SHOX: variants seen among roughly 807,000 people sequenced by gnomAD.
The protein encoded by SHOX is SHOX homeobox.
SHOX carries 12 observed loss-of-function variants against 29.6 expected under a neutral mutation model. The observed-to-expected ratio is 0.41, with a 90% CI of 0.26 to 0.66. The LOEUF (loss-of-function observed/expected upper bound fraction) is 0.66, where lower values mean the gene tolerates loss of function less well. Among genes scored for constraint, SHOX ranks in the 30% least tolerant of loss-of-function variants. The pLI is 0.35. For synonymous variants in SHOX, 214 were observed against 200.6 expected (o/e 1.07, Z -0.57); for missense variants, 499 against 437.7 (o/e 1.14, Z -1.25).
At chrX:658,043 C>T (rs1232314380) in intron 5 of SHOX, among the ~76,000 whole-genome samples, 4 of 151,970 alleles carry the variant, frequency 2.6e-5, no homozygotes, top group Non-Finnish European at 5.9e-5. Context: ...GGCGTGATCT[C>T]GGCTCACTGC....
chrX:639,735 C>T lies in SHOX; in HGVS notation c.487-1086C>T, dbSNP rs190748819. Among the ~76,000 whole-genome samples the T allele has an allele frequency of 2.2e-3, 331 of 152,390 alleles. 1 individual carries two copies. Among genetic ancestry groups the T allele is most frequent in the African/African-American group, 7.1e-3 (295 of 41,598 alleles). On this transcript the variant is annotated intron_variant, in intron 2 of 4. Transcript: ENST00000686671. ...TCTACTTCTAGGTCAGGTGCGGTGG[C>T]TCACACCTCTAATCCCAGCACTTTG... is the stretch of plus-strand genomic sequence containing the variant.
exon 6 of SHOX, chrX:659,045 G>C (rs938275046): frequency 1.3e-5 from 2 of 158,246 alleles, no homozygotes; most frequent in African/African-American, 4.8e-5. Flanking sequence ...GATGACAGGC[G>C]TGAGCCCCTG....
intron 4 of SHOX, among the ~76,000 whole-genome samples, chrX:642,302 G>C (rs976946226): frequency 1.5e-4 from 22 of 149,924 alleles, no homozygotes; most frequent in African/African-American, 4.9e-4. Flanking sequence ...AACGGGCTTG[G>C]GGGGGGGGCT....
intron 2 of SHOX, among the ~76,000 whole-genome samples, chrX:638,772 G>A (rs774765782): frequency 2.2e-4 from 33 of 152,340 alleles, no homozygotes; most frequent in South Asian, 4.1e-4. Context: ...TGCACAGTGT[G>A]TAAGGGTGGC....
rs1308710931 is a variant in SHOX at position 634,660 on chromosome X, A to G, written c.320A>G (p.Glu107Gly). ...GAGAAGCGCGAGGACGTGAAGTCGG[A>G]GGACGAGGACGGGCAGACCAAGCTG... ...CKEKREDVKS[E>G]DEDGQTKLKQ... is the part of the protein sequence containing the mutation. Residue 107 changes from glutamate to glycine, a missense_variant, in exon 2 of 5, where the codon GAG becomes GGG. Transcript: ENST00000686671. 3 of 1,613,894 alleles carry G rather than the reference A, an allele frequency of 1.9e-6. No individual in the cohort carries two copies. Among genetic ancestry groups the G allele is most frequent in the Non-Finnish European group, 2.5e-6 (3 of 1,179,880 alleles).
intron 2 of SHOX, among the ~76,000 whole-genome samples, chrX:639,444 G>C (rs1169933739): frequency 8.5e-5 from 13 of 152,162 alleles, no homozygotes; most frequent in Non-Finnish European, 1.6e-4. Context: ...TCTGGGCTTG[G>C]TGTGTCAAGA....
downstream of SHOX, among the ~76,000 whole-genome samples, chrX:655,490 A>G (rs2053124481): frequency 1.3e-5 from 2 of 151,048 alleles, no homozygotes; most frequent in African/African-American, 4.9e-5. Flanking sequence ...CCGTGATCCC[A>G]GTACTGTGGG....
downstream of SHOX, among the ~76,000 whole-genome samples, chrX:654,655 C>A (rs1265393511): frequency 6.6e-6 from 1 of 152,084 alleles, no homozygotes; most frequent in Non-Finnish European, 1.5e-5. Context: ...ACGGTTGAAG[C>A]TATTCAGCAG....
At chrX:628,764 T>C (rs1307307450), upstream of SHOX, among the ~76,000 whole-genome samples, 2 of 11,176 alleles carry the variant, frequency 1.8e-4, no homozygotes, top group East Asian at 9.0e-4. Context: ...TCTGTCTCTC[T>C]CTTTTTCTCT....
rs931405380 is a variant in SHOX, at chrX:644,980, C to T, written c.*344C>T. On this transcript the variant is annotated 3_prime_UTR_variant, in exon 5 of 5. Coordinates refer to ENST00000686671, the MANE Select transcript of SHOX (RefSeq NM_000451.4). ...TATACCCTATGCATGCGGTTAACTA[C>T]ACACGTTTGGAAGATCCTTAGAGTC... The T allele has an allele frequency of 1.3e-5, 4 of 310,158 alleles. No homozygotes were observed. The highest frequency in any genetic ancestry group is 6.5e-5 in the African/African-American group (3 of 45,876). 19.2% of individuals were successfully genotyped at this position (310,158 alleles called of 1,614,324 possible).
chrX:630,736 T>G, upstream of SHOX: 5 of 865,388 alleles, frequency 5.8e-6, no homozygotes, highest in South Asian at 1.6e-5. Context: ...AGGCAGCGCA[T>G]GGGGGGCTGG....
chrX:634,892 C>G (rs974875169), intron 2 of SHOX, 66 bp downstream of exon 2: 39 of 1,490,108 alleles, frequency 2.6e-5, no homozygotes, highest in Non-Finnish European at 3.5e-5. Context: ...GCGCACAGCA[C>G]GCGTACAGCC....
chrX:629,874 TAGCGAGAGGCGGGAGGG>T (rs1423110713), upstream of SHOX, among the ~76,000 whole-genome samples: 5 of 152,096 alleles, frequency 3.3e-5, no homozygotes, highest in Non-Finnish European at 7.4e-5. Flanking sequence ...GCACATTCAA[TAGCGAGAGGCGGGAGGG>T]AGCGAGCAGG....
chrX:650,809 A>AAAAAAAAAC lies in SHOX; in HGVS notation c.*6181_*6182insCAAAAAAAA, dbSNP rs2053047877. ...TTTGACATTAAAAAAAAAAAAAAAAAAAAAAAAAAACTGGTGCCTAATTTA... is the reference window on the plus strand; with the variant it reads ...TTTGACATTAAAAAAAAAAAAAAAAAAAAAAAAACAAAAAAAAAACTGGTGCCTAATTTA... On this transcript the variant is annotated 3_prime_UTR_variant, in exon 5 of 5. Transcript: ENST00000686671. Among the ~76,000 whole-genome samples, 1 of 148,426 alleles carries AAAAAAAAAC rather than the reference A, an allele frequency of 6.7e-6. No homozygotes were observed. The highest frequency in any genetic ancestry group is 1.5e-5 in the Non-Finnish European group (1 of 67,444).
intron 2 of SHOX, among the ~76,000 whole-genome samples, chrX:638,891 G>C: frequency 6.6e-6 from 1 of 152,306 alleles, no homozygotes. Flanking sequence ...ATTTCTCTTG[G>C]GTGGTGACTG....
rs1266544141 is a variant in SHOX, at chrX:644,407, A to G, written c.650A>G (p.Gln217Arg). 1.3e-6 allele frequency: 2 copies of G among 1,522,268 alleles called. No homozygotes were observed. Among genetic ancestry groups the G allele is most frequent in the South Asian group, 1.2e-5 (1 of 82,300 alleles). The allele number at this position is 1,522,268 out of a possible 1,614,324, so 94.3% of individuals were successfully genotyped here. ...MPFQQVQAQL[Q>R]LEGVAHAHPH... ...CTCCCGCAGGTCCAGGCTCAGCTGC[A>G]GCTGGAAGGCGTGGCCCACGCGCAC... is the stretch of plus-strand genomic sequence containing the variant. The change falls in exon 5 of 5, where the codon CAG (glutamine) becomes CGG (arginine). Residue 217 changes from glutamine to arginine, a missense_variant. By Grantham distance (43) the Gln-to-Arg change is conservative (BLOSUM62 1). Transcript: ENST00000686671.
upstream of SHOX, among the ~76,000 whole-genome samples, chrX:629,427 G>C (rs2052607849): frequency 1.4e-5 from 2 of 139,306 alleles, no homozygotes; most frequent in African/African-American, 2.7e-5. Context: ...TTCCCCCTCT[G>C]TCTCTTTCTC....
rs779520671 is a variant in SHOX at position 658,540 on chromosome X, C to G, written c.634-245C>G. On this transcript the variant is annotated intron_variant, in intron 5 of 5. Transcript: ENST00000334060. ...GGCTGGAGTGCAGTGGCACGATCTC[C>G]GCTCACTGCAAGCTCCTCTTCCCGG... Among the ~76,000 whole-genome samples the G allele has an allele frequency of 4.9e-4, 74 of 150,744 alleles. 1 individual carries two copies. Among genetic ancestry groups the G allele is most frequent in the East Asian group, 9.9e-4 (5 of 5,068 alleles).
upstream of SHOX, chrX:630,421 C>T (rs773802131): frequency 2.7e-3 from 425 of 160,122 alleles, no homozygotes; most frequent in Non-Finnish European, 5.0e-3. Flanking sequence ...TGGGACCCTC[C>T]TCTCTCCAGC....
Sources: allele counts gnomAD v4.1 joint callset (sites outside exome capture counted in the v4.1 genomes callset), GRCh38; gene constraint gnomAD v4.1.1; transcripts MANE v1.5; gene names NCBI Gene and HGNC (gene_info 2026-07-23, HGNC 2026-07-21).